Variants in ME3 observed in about 807,000 individuals in gnomAD.
The protein encoded by ME3 is NADP-dependent malic enzyme, mitochondrial.
A neutral mutation model predicts 68.9 loss-of-function variants in ME3; 48 were observed. The observed-to-expected ratio is 0.70, with a 90% CI of 0.55 to 0.89. The LOEUF (loss-of-function observed/expected upper bound fraction) is 0.89. Ranked by LOEUF, ME3 falls within the 40% of genes least tolerant of loss-of-function variation. The pLI is 0.00. For synonymous variants in ME3, 320 were observed against 318.8 expected (o/e 1.00, Z -0.04); for missense variants, 675 against 797.4 (o/e 0.85, Z 1.85).
At chr11:86,662,146 A>G (rs991479378) in intron 2 of ME3, among the ~76,000 whole-genome samples, 8 of 152,222 alleles carry the variant, frequency 5.3e-5, no homozygotes, top group African/African-American at 1.9e-4. Flanking sequence ...GCCACAGCAC[A>G]TCAGACTTCA....
chr11:86,541,032 A>C (rs1221419618), intron 4 of ME3, among the ~76,000 whole-genome samples: 2 of 152,176 alleles, frequency 1.3e-5, no homozygotes, highest in Non-Finnish European at 2.9e-5. Flanking sequence ...AAAAAGTGCA[A>C]GGGGTCAGGG....
chr11:86,586,936 G>A (rs556963140), intron 2 of ME3, among the ~76,000 whole-genome samples: 33 of 152,276 alleles, frequency 2.2e-4, no homozygotes, highest in Middle Eastern at 3.4e-3. Flanking sequence ...TAAGGGAAAC[G>A]TGTTCCTGAA....
chr11:86,495,311 T>C (rs1236929903), intron 6 of ME3, among the ~76,000 whole-genome samples: 2 of 152,210 alleles, frequency 1.3e-5, no homozygotes, highest in African/African-American at 4.8e-5. Flanking sequence ...TTACTGCTAC[T>C]TTCCAGTCAT....
intron 5 of ME3, among the ~76,000 whole-genome samples, chr11:86,508,270 C>G (rs1279447450): frequency 6.6e-6 from 1 of 152,158 alleles, no homozygotes; most frequent in Non-Finnish European, 1.5e-5. Flanking sequence ...ACAGCCTACC[C>G]CTAAATTCAA....
At chr11:86,562,674 A>T (rs1363801053) in intron 2 of ME3, among the ~76,000 whole-genome samples, 1 of 151,978 alleles carries the variant, frequency 6.6e-6, no homozygotes, top group Non-Finnish European at 1.5e-5. Flanking sequence ...TTTCCCTTAA[A>T]TTTCAGCCTT....
intron 4 of ME3, among the ~76,000 whole-genome samples, chr11:86,518,751 G>C (rs1954061912): frequency 6.6e-6 from 1 of 152,120 alleles, no homozygotes; most frequent in Admixed American, 6.5e-5. Flanking sequence ...GACCCTATTT[G>C]GAATAGGGTC....
chr11:86,645,347 G>C (rs1043235078), intron 2 of ME3, among the ~76,000 whole-genome samples: 1 of 152,198 alleles, frequency 6.6e-6, no homozygotes, highest in African/African-American at 2.4e-5. Flanking sequence ...GCAGTCTGAA[G>C]TCAACCTGGG....
intron 2 of ME3, among the ~76,000 whole-genome samples, chr11:86,633,590 G>A (rs1449217986): frequency 6.6e-6 from 1 of 152,216 alleles, no homozygotes; most frequent in Non-Finnish European, 1.5e-5. Flanking sequence ...GACTTGATTG[G>A]TATGAGAAGG....
At chr11:86,619,146 G>A (rs997247949) in intron 2 of ME3, among the ~76,000 whole-genome samples, 1 of 152,206 alleles carries the variant, frequency 6.6e-6, no homozygotes, top group Non-Finnish European at 1.5e-5. Context: ...CCCAGAAGCA[G>A]ATGTCAGCAC....
At chr11:86,582,689 A>C (rs554588489) in intron 2 of ME3, among the ~76,000 whole-genome samples, 1 of 152,280 alleles carries the variant, frequency 6.6e-6, no homozygotes, top group East Asian at 1.9e-4. Flanking sequence ...AGTGCCTTAA[A>C]ATATAAAAAC....
At chr11:86,494,431 T>C (rs1952187395) in intron 6 of ME3, among the ~76,000 whole-genome samples, 1 of 152,104 alleles carries the variant, frequency 6.6e-6, no homozygotes, top group African/African-American at 2.4e-5. Context: ...GGACCTGAGG[T>C]AAGTAGTTGA....
At chr11:86,550,376 T>C (rs1035666978) in intron 4 of ME3, among the ~76,000 whole-genome samples, 1 of 152,134 alleles carries the variant, frequency 6.6e-6, no homozygotes, top group Non-Finnish European at 1.5e-5. Flanking sequence ...GCTAAGTGAC[T>C]TGCCTAAGGA....
chr11:86,493,457 G>T (rs1227307520), intron 6 of ME3, among the ~76,000 whole-genome samples: 1 of 152,212 alleles, frequency 6.6e-6, no homozygotes, highest in Non-Finnish European at 1.5e-5. Context: ...ATAACCACTG[G>T]GTTTCGAGTC....
chr11:86,550,393 GC>G (rs1956605242), intron 4 of ME3, among the ~76,000 whole-genome samples: 1 of 152,156 alleles, frequency 6.6e-6, no homozygotes, highest in Non-Finnish European at 1.5e-5. Context: ...AGGAGTTGTA[GC>G]CAGAAAGGGG....
At chr11:86,497,887 C>T (rs1011810996) in intron 6 of ME3, 76 bp downstream of exon 6, 3 of 1,462,486 alleles carry the variant, frequency 2.1e-6, no homozygotes. Flanking sequence ...GATATAACCA[C>T]CCACAAACAT....
intron 6 of ME3, among the ~76,000 whole-genome samples, chr11:86,497,022 C>T (rs949847010): frequency 1.3e-5 from 2 of 152,166 alleles, no homozygotes; most frequent in African/African-American, 2.4e-5. Flanking sequence ...TGCTGTGTCA[C>T]CCAGGCTGGA....
intron 2 of ME3, among the ~76,000 whole-genome samples, chr11:86,642,992 T>C (rs1944763012): frequency 7.0e-6 from 1 of 142,056 alleles, no homozygotes; most frequent in South Asian, 2.3e-4. Context: ...AGGTTTCTAT[T>C]AGTTTTTTTT....
chr11:86,435,902 T>C, the ME3 span: 1 of 152,230 alleles, frequency 6.6e-6, no homozygotes, highest in East Asian at 1.9e-4. Context: ...TTGGGGATGA[T>C]GGCATAATCT....
At chr11:86,516,764 G>T (rs17149147) in intron 4 of ME3, among the ~76,000 whole-genome samples, 6,529 of 152,220 alleles carry the variant, frequency 0.043, 211 homozygotes, top group African/African-American at 0.082. Context: ...ACAGGGAATT[G>T]CTCAGGAACA....
Sources: allele counts gnomAD v4.1 joint callset (sites outside exome capture counted in the v4.1 genomes callset), GRCh38; gene constraint gnomAD v4.1.1; transcripts MANE v1.5; gene names NCBI Gene and HGNC (gene_info 2026-07-23, HGNC 2026-07-21).